TRPV2: variants seen among roughly 807,000 people sequenced by gnomAD.
The protein encoded by TRPV2 is transient receptor potential cation channel subfamily V member 2.
In TRPV2, 58 loss-of-function variants were observed where a neutral mutation model predicts 91.0. The ratio of observed to expected loss-of-function variants is 0.64; its 90% CI spans 0.52 to 0.79. The LOEUF is 0.79. Ranked by LOEUF, TRPV2 falls within the 30% of genes least tolerant of loss-of-function variation. The pLI, the probability that TRPV2 is intolerant of heterozygous loss-of-function variation, is 0.00. For synonymous variants in TRPV2, 417 were observed against 414.8 expected (o/e 1.01, Z -0.06); for missense variants, 807 against 969.6 (o/e 0.83, Z 2.23).
Position 16,436,851 on chromosome 17 carries a change from G to A in TRPV2, c.2257G>A (p.Glu753Lys), listed in dbSNP as rs776782532. ...PKEDEDGASEENYVPVQLLQS... is the reference protein window; with the variant it reads ...PKEDEDGASEKNYVPVQLLQS... The stretch of plus-strand genomic sequence containing the variant: ...GGAGGATGAGGATGGTGCCTCTGAG[G>A]AAAACTATGTGCCCGTCCAGCTCCT... Residue 753 changes from glutamate to lysine, a missense_variant, in exon 15 of 15, where the codon GAA (glutamate) becomes AAA (lysine). Transcript: ENST00000338560. 14 of 1,614,026 alleles carry A rather than the reference G, an allele frequency of 8.7e-6. No individual in the cohort carries two copies. In the East Asian group the frequency reaches 2.9e-4, roughly 33 times the overall value.
intron 8 of TRPV2, 123 bp from the exon 9 acceptor site, chr17:16,428,194 T>C (rs2093393120): frequency 1.2e-6 from 1 of 837,380 alleles, no homozygotes; most frequent in Non-Finnish European, 2.0e-6. Flanking sequence ...TATTCATGAG[T>C]CCCCCAAAAC....
intron 9 of TRPV2, 138 bp from the exon 10 acceptor site, chr17:16,428,679 A>T: frequency 1.1e-6 from 1 of 932,040 alleles, no homozygotes; most frequent in Non-Finnish European, 1.6e-6. Flanking sequence ...TGCCCATTTT[A>T]CAGTGGGAGG....
intron 13 of TRPV2, 153 bp from the exon 14 acceptor site, chr17:16,434,737 C>A: frequency 3.1e-6 from 2 of 650,760 alleles, no homozygotes; most frequent in Non-Finnish European, 5.2e-6. Flanking sequence ...TGGCCCAGAA[C>A]CCTGCAGAGA....
intron 2 of TRPV2, among the ~76,000 whole-genome samples, chr17:16,418,556 C>T (rs896637675): frequency 2.6e-5 from 4 of 152,118 alleles, no homozygotes; most frequent in African/African-American, 9.7e-5. Flanking sequence ...TGAGGTACAG[C>T]CACCAGCTTT....
intron 3 of TRPV2, among the ~76,000 whole-genome samples, chr17:16,421,614 C>G (rs538671622): frequency 2.0e-5 from 3 of 151,342 alleles, no homozygotes; most frequent in East Asian, 3.9e-4. Context: ...CTCTGCCTCC[C>G]GGGTCCAAGC....
chr17:16,422,936 C>G, intron 4 of TRPV2, 47 bp downstream of exon 4: 16 of 1,535,412 alleles, frequency 1.0e-5, no homozygotes, highest in Non-Finnish European at 1.3e-5. Context: ...GAGAGTAAGG[C>G]CTGGTTCAAG....
intron 12 of TRPV2, chr17:16,433,259 G>A: frequency 3.6e-6 from 1 of 277,454 alleles, no homozygotes; most frequent in Middle Eastern, 1.3e-3. Context: ...GTTCCTGGTG[G>A]TGTGGCAATC....
At chr17:16,431,225 G>C (rs1466679107) in intron 10 of TRPV2, among the ~76,000 whole-genome samples, 5 of 123,114 alleles carry the variant, frequency 4.1e-5, no homozygotes, top group African/African-American at 1.6e-4. Context: ...CTACTGGAAA[G>C]TTTTAAGCAG....
chr17:16,426,543 C>T lies in TRPV2; in HGVS notation c.1096-179C>T, dbSNP rs1330359713. Among the ~76,000 whole-genome samples the T allele has an allele frequency of 6.6e-6, 1 of 152,204 alleles. No homozygotes were observed. Among genetic ancestry groups the T allele is most frequent in the Non-Finnish European group, 1.5e-5 (1 of 68,032 alleles). On this transcript the variant is annotated intron_variant, in intron 6 of 14. Coordinates refer to ENST00000338560, the MANE Select transcript of TRPV2 (RefSeq NM_016113.5). The surrounding 1 kb of genome is among the most constrained non-coding windows in gnomAD (Gnocchi z 6.0). The stretch of plus-strand genomic sequence containing the variant: ...CAGCATCTCATTTGGAGGGCAAGCC[C>T]CTTAGTCACACTGTAGCTGGGAGGG...
Position 16,420,155 on chromosome 17 carries a change from A to C in TRPV2, c.241A>C (p.Asn81His), listed in dbSNP as rs1307573580. The C allele has an allele frequency of 6.2e-7, 1 of 1,613,860 alleles. No individual in the cohort carries two copies. Among genetic ancestry groups the C allele is most frequent in the Non-Finnish European group, 8.5e-7 (1 of 1,179,940 alleles). The change falls in exon 3 of 15, where the codon AAT (asparagine) becomes CAT (histidine). Residue 81 changes from asparagine to histidine, a missense_variant. Asn to His is a moderately conservative substitution (Grantham distance 68, BLOSUM62 1). Transcript: ENST00000338560. ...CCGATTTGACCGAGATCGGCTCTTC[A>C]ATGCGGTCTCCCGGGGTGTCCCCGA... ...PNRFDRDRLF[N>H]AVSRGVPEDL...
At chr17:16,431,362 C>T (rs1286453407) in intron 10 of TRPV2, among the ~76,000 whole-genome samples, 73 of 133,514 alleles carry the variant, frequency 5.5e-4, no homozygotes, top group Admixed American at 2.5e-4. Flanking sequence ...GGTGTGATCT[C>T]GGCTCACCAC....
rs756054913 is a variant in TRPV2 at position 16,436,143 on chromosome 17, C to T, written c.2195-646C>T. On this transcript the variant is annotated intron_variant, in intron 14 of 14. Transcript: ENST00000338560. Reference sequence around the variant, plus strand: ...CTGGAGCTGAGTGTCCTTGACCCCTCAGGCGGCCACTCATCCCTCTGCCCT... The same window carrying T: ...CTGGAGCTGAGTGTCCTTGACCCCTTAGGCGGCCACTCATCCCTCTGCCCT... 3.4e-4 allele frequency among the ~76,000 whole-genome samples: 52 copies of T among 152,290 alleles called. No homozygotes were observed. The Middle Eastern group carries it at 0.01, about 30-fold the overall frequency.
chr17:16,431,693 G>C (rs971269164), intron 10 of TRPV2, 91 bp from the exon 11 acceptor site: 12 of 1,183,916 alleles, frequency 1.0e-5, no homozygotes, highest in Non-Finnish European at 1.4e-5. Flanking sequence ...CAGTGTACAC[G>C]GGAACCATGC....
intron 2 of TRPV2, 147 bp downstream of exon 2, chr17:16,418,015 C>T (rs1367500494): frequency 2.6e-6 from 2 of 775,570 alleles, no homozygotes; most frequent in African/African-American, 1.8e-5. Flanking sequence ...GGCTCCTGGG[C>T]CCGACAGGCT....
rs1185790129 is a variant in TRPV2, at chr17:16,428,838, A to G, written c.1443A>G (p.Thr481=). 6.2e-7 allele frequency: 1 copy of G among 1,613,632 alleles called. No homozygotes were observed. The highest frequency in any genetic ancestry group is 1.7e-5 in the Admixed American group (1 of 60,026). Residue 481 remains threonine, a synonymous_variant, in exon 10 of 15, where the codon ACA becomes ACG. Coordinates refer to ENST00000338560, the MANE Select transcript of TRPV2 (RefSeq NM_016113.5). ...EILFLFQALL[T]VVSQVLCFLA... ...ACAGCCTGTTCCAGGCCCTGCTCAC[A>G]GTGGTGTCCCAGGTGCTGTGTTTCC...
Position 16,436,936 on chromosome 17 carries a change from C to T in TRPV2, c.*47C>T. On this transcript the variant is annotated 3_prime_UTR_variant, in exon 15 of 15. Coordinates refer to ENST00000338560, the MANE Select transcript of TRPV2 (RefSeq NM_016113.5). Reference sequence around the variant, plus strand: ...CCAGAGGACAGAGCAGAGGATCTTTCCAACCACATCTGCTGGCTCTGGGGT... The same window carrying T: ...CCAGAGGACAGAGCAGAGGATCTTTTCAACCACATCTGCTGGCTCTGGGGT... 6.9e-7 allele frequency: 1 copy of T among 1,443,396 alleles called. No individual in the cohort carries two copies. Among genetic ancestry groups the T allele is most frequent in the Non-Finnish European group, 9.7e-7 (1 of 1,026,818 alleles). 89.4% of individuals were successfully genotyped at this position (1,443,396 alleles called of 1,614,324 possible). A position where few individuals can be genotyped will look rare whatever the true frequency, so the allele number is the denominator to read the frequency against.
Position 16,426,778 on chromosome 17 carries a change from G to T in TRPV2, c.1152G>T (p.Trp384Cys). The T allele has an allele frequency of 6.2e-7, 1 of 1,614,022 alleles. No individual in the cohort carries two copies. The highest frequency in any genetic ancestry group is 2.2e-5 in the East Asian group (1 of 44,880). ...TGAACAAACTGCTGCAGGCGAAATGGGATCTGCTCATCCCCAAGTTCTTCT... is the reference window on the plus strand; with the variant it reads ...TGAACAAACTGCTGCAGGCGAAATGTGATCTGCTCATCCCCAAGTTCTTCT... ...EPLNKLLQAK[W>C]DLLIPKFFLN... The change falls in exon 7 of 15, where the codon TGG becomes TGT. Residue 384 changes from tryptophan (W) to cysteine (C), a missense_variant. Trp to Cys is a radical substitution (Grantham distance 215). Coordinates refer to ENST00000338560, the MANE Select transcript of TRPV2 (RefSeq NM_016113.5). This position sits in a 1 kb window ranked among gnomAD's most constrained non-coding sequence, Gnocchi z 6.0.
At chr17:16,427,098 A>T (rs111473519) in intron 7 of TRPV2, among the ~76,000 whole-genome samples, 2,988 of 152,264 alleles carry the variant, frequency 0.02, 87 homozygotes, top group African/African-American at 0.068. Context: ...TGTGTTGACT[A>T]ATTAATGTGC....
At chr17:16,422,306 G>A (rs2093361471) in intron 3 of TRPV2, among the ~76,000 whole-genome samples, 1 of 127,254 alleles carries the variant, frequency 7.9e-6, no homozygotes, top group African/African-American at 3.1e-5. Flanking sequence ...CTGGGTGACA[G>A]AGCAAGACTC....
Sources: gnomAD v4.1 joint callset for allele counts (sites outside exome capture counted in the v4.1 genomes callset) on GRCh38, gnomAD v4.1.1 for gene constraint, Gnocchi (gnomAD v3.1) non-coding constraint, MANE v1.5 for transcripts, NCBI Gene and HGNC (gene_info 2026-07-23, HGNC 2026-07-21) for gene names.